The following DCHS2 variants were observed in gnomAD, a reference collection of about 807,000 sequenced individuals.
DCHS2 encodes the protein protocadherin-23.
Under a neutral mutation model 182.4 loss-of-function variants are expected in DCHS2, and 142 were observed. The observed-to-expected ratio is 0.78, with a 90% CI of 0.68 to 0.89. DCHS2 has a LOEUF of 0.89. Ranked by LOEUF, DCHS2 falls within the 40% of genes least tolerant of loss-of-function variation. The pLI, the probability that DCHS2 is intolerant of heterozygous loss-of-function variation, is 0.00. For missense variants in DCHS2, 4,319 were observed against 4,198.6 expected, an observed-to-expected ratio of 1.03 and a Z score of -0.79; for synonymous variants, 1,740 against 1,663.3, an observed-to-expected ratio of 1.05 and a Z score of -1.12.
intron 1 of DCHS2, among the ~76,000 whole-genome samples, chr4:154,443,786 C>A (rs889020252): frequency 5.3e-5 from 8 of 152,166 alleles, no homozygotes; most frequent in South Asian, 4.1e-4. Context: ...TCCAGCTACA[C>A]CACCCTCCCC....
intron 12 of DCHS2, among the ~76,000 whole-genome samples, chr4:154,301,572 C>G (rs1177484666): frequency 6.6e-6 from 1 of 152,126 alleles, no homozygotes; most frequent in Non-Finnish European, 1.5e-5. Flanking sequence ...ATGGCGCAAT[C>G]TCAGCTCACC....
chr4:154,357,395 G>A, intron 3 of DCHS2: 1 of 984,872 alleles, frequency 1.0e-6, no homozygotes, highest in Non-Finnish European at 1.6e-6. Flanking sequence ...TAAGCTATAA[G>A]TCTGCCTTTC....
intron 12 of DCHS2, chr4:154,298,935 C>A: frequency 2.2e-6 from 1 of 451,700 alleles, no homozygotes; most frequent in Non-Finnish European, 3.5e-6. Context: ...TGATTCAATG[C>A]CTATCTTTAA....
chr4:154,468,962 AAT>A (rs1735349669), intron 1 of DCHS2, among the ~76,000 whole-genome samples: 1 of 152,172 alleles, frequency 6.6e-6, no homozygotes, highest in Non-Finnish European at 1.5e-5. Flanking sequence ...TAAAGTGATG[AAT>A]ATGTTAATTA....
chr4:154,490,883 T>C lies in DCHS2; in HGVS notation c.473A>G (p.Asn158Ser), dbSNP rs1284710047. ...GAVVQVEIRV[N>S]DVNDHSPRFP... is the part of the protein sequence containing the mutation. ...GCGGGGCGAGTGGTCATTCACGTCG[T>C]TGACGCGAATCTCCACCTGCACCAC... Residue 158 changes from asparagine to serine, a missense_variant, in exon 1 of 20, where the codon AAC (asparagine) becomes AGC (serine). Transcript: ENST00000357232. 1 of 1,551,424 alleles carries C rather than the reference T, an allele frequency of 6.4e-7. No homozygotes were observed. Among genetic ancestry groups the C allele is most frequent in the African/African-American group, 1.4e-5 (1 of 73,160 alleles).
chr4:154,341,193 T>C (rs1468090076), intron 3 of DCHS2, among the ~76,000 whole-genome samples: 3 of 151,728 alleles, frequency 2.0e-5, no homozygotes, highest in Non-Finnish European at 4.4e-5. Flanking sequence ...ACAGTGAAAC[T>C]CCGTCTCTCC....
chr4:154,476,289 C>A (rs146374540), intron 1 of DCHS2, among the ~76,000 whole-genome samples: 2,951 of 152,264 alleles, frequency 0.019, 53 homozygotes, highest in South Asian at 0.045. Flanking sequence ...GAAACAAAAT[C>A]ACTCTGGTAA....
At chr4:154,486,101 G>T (rs746999320) in intron 1 of DCHS2, among the ~76,000 whole-genome samples, 5 of 152,210 alleles carry the variant, frequency 3.3e-5, no homozygotes, top group African/African-American at 1.2e-4. Context: ...GACAGGCAGG[G>T]ACTGAGTTAT....
chr4:154,418,299 G>A lies in DCHS2; in HGVS notation c.2053-40855C>T, dbSNP rs558667630. 3.2e-4 allele frequency among the ~76,000 whole-genome samples: 48 copies of A among 152,178 alleles called. No individual in the cohort carries two copies. The East Asian group carries it at 4.1e-3, about 13-fold the overall frequency. ...TGCCCAGAGTTAGGCACATGGCCCC[G>A]CTGTATCAGCACTAACGCCAGGTGT... On this transcript the variant is annotated intron_variant, in intron 1 of 19. Transcript: ENST00000357232.
At chr4:154,363,902 G>T (rs1730235879) in intron 3 of DCHS2, among the ~76,000 whole-genome samples, 1 of 152,106 alleles carries the variant, frequency 6.6e-6, no homozygotes, top group African/African-American at 2.4e-5. Context: ...CTGTTCACCG[G>T]ACAACTTTTT....
intron 13 of DCHS2, among the ~76,000 whole-genome samples, chr4:154,295,222 C>A (rs1019939454): frequency 2.0e-5 from 3 of 152,150 alleles, no homozygotes; most frequent in Non-Finnish European, 4.4e-5. Flanking sequence ...GAAGTACGTA[C>A]CCTCTTCTGA....
chr4:154,283,745 T>G lies in DCHS2; in HGVS notation c.6464-13732A>C, dbSNP rs180942590. 2.0e-5 allele frequency among the ~76,000 whole-genome samples: 3 copies of G among 152,344 alleles called. No individual in the cohort carries two copies. The East Asian group carries it at 5.8e-4, about 29-fold the overall frequency. On this transcript the variant is annotated intron_variant, in intron 13 of 19. Transcript: ENST00000357232. ...AAGACATGAGTTTGAGAATTTTCAC[T>G]GCTGCTTCAGTGTTGGATCAGAGTC...
At chr4:154,418,009 TA>T (rs1560746565) in intron 1 of DCHS2, among the ~76,000 whole-genome samples, 1 of 152,246 alleles carries the variant, frequency 6.6e-6, no homozygotes, top group African/African-American at 2.4e-5. Context: ...ATGATATTAG[TA>T]GGAAAAATGA....
rs1411667443 is a variant in DCHS2 at position 154,328,250 on chromosome 4, A to G, written c.3919-58T>C. On this transcript the variant is annotated intron_variant, in intron 6 of 19. Transcript: ENST00000357232. ...CAGCAAAAGTTTAAAAAGAAATATC[A>G]GTGGACCTTTAAATGAATGAATACA... is the stretch of plus-strand genomic sequence containing the variant. 46 of 1,251,562 alleles carry G rather than the reference A, an allele frequency of 3.7e-5. 2 individuals are homozygous for G. In the South Asian group the frequency reaches 5.6e-4, roughly 15 times the overall value. 77.5% of individuals were successfully genotyped at this position (1,251,562 alleles called of 1,614,324 possible). A position where few individuals can be genotyped will look rare whatever the true frequency, so the allele number is the denominator to read the frequency against.
intron 7 of DCHS2, 77 bp from the exon 8 acceptor site, chr4:154,322,565 C>T (rs1056823883): frequency 1.2e-5 from 17 of 1,438,928 alleles, no homozygotes; most frequent in African/African-American, 1.1e-4. Flanking sequence ...TCCAATATAT[C>T]GATCATTTGG....
At chr4:154,307,434 TGC>T (rs201899788) in intron 10 of DCHS2, among the ~76,000 whole-genome samples, 18 of 95,534 alleles carry the variant, frequency 1.9e-4, no homozygotes, top group Admixed American at 4.9e-4. Context: ...TACACAGATG[TGC>T]GCGCGCACAC....
chr4:154,348,049 C>T (rs1729440234), intron 3 of DCHS2, among the ~76,000 whole-genome samples: 1 of 151,948 alleles, frequency 6.6e-6, no homozygotes, highest in Admixed American at 6.5e-5. Context: ...TTCAATAAAG[C>T]TTTCTGATTT....
chr4:154,386,346 T>C (rs1354946184), intron 1 of DCHS2, among the ~76,000 whole-genome samples: 1 of 152,160 alleles, frequency 6.6e-6, no homozygotes, highest in African/African-American at 2.4e-5. Context: ...CCTTAGGGCC[T>C]TGTACTTGGT....
chr4:154,346,057 C>T (rs1729345584), intron 3 of DCHS2, among the ~76,000 whole-genome samples: 1 of 152,190 alleles, frequency 6.6e-6, no homozygotes, highest in South Asian at 2.1e-4. Flanking sequence ...GCTCTAGTCC[C>T]TCTCTTCGTA....
Sources: gnomAD v4.1 joint callset for allele counts (sites outside exome capture counted in the v4.1 genomes callset) on GRCh38, gnomAD v4.1.1 for gene constraint, MANE v1.5 for transcripts, NCBI Gene and HGNC (gene_info 2026-07-23, HGNC 2026-07-21) for gene names.